Variants in CLCN6 observed in about 807,000 individuals in gnomAD.
CLCN6 encodes H(+)/Cl(-) exchange transporter 6.
A neutral mutation model predicts 109.8 loss-of-function variants in CLCN6; 70 were observed. That is an observed-to-expected ratio of 0.64 (90% CI 0.53 to 0.78). The LOEUF (loss-of-function observed/expected upper bound fraction) is 0.78. Ranked by LOEUF, CLCN6 falls within the 30% of genes least tolerant of loss-of-function variation. The pLI is 0.00. For missense variants in CLCN6, 984 were observed against 1,142.3 expected, an observed-to-expected ratio of 0.86 and a Z score of 2.00; for synonymous variants, 444 against 447.8, an observed-to-expected ratio of 0.99 and a Z score of 0.11.
intron 6 of CLCN6, 152 bp downstream of exon 6, chr1:11,822,953 G>T: frequency 1.6e-6 from 1 of 608,332 alleles, no homozygotes; most frequent in East Asian, 2.8e-5. Context: ...TTCACCTCTG[G>T]TGAGATTAAA....
At chr1:11,810,031 A>G (rs948816001) in intron 2 of CLCN6, among the ~76,000 whole-genome samples, 1 of 152,256 alleles carries the variant, frequency 6.6e-6, no homozygotes, top group Non-Finnish European at 1.5e-5. Context: ...AAGCATGTGT[A>G]TAAAAACGTG....
chr1:11,814,247 C>CTTTTTTTTTT (rs1197587407), intron 2 of CLCN6, among the ~76,000 whole-genome samples: 22 of 131,228 alleles, frequency 1.7e-4, no homozygotes, highest in South Asian at 2.5e-4. Context: ...ACTGCTGCGT[C>CTTTTTTTTTT]TTTTTTTTTT....
rs767261122 is a variant in CLCN6 at position 11,823,857 on chromosome 1, C to T, written c.580+24C>T. On this transcript the variant is annotated intron_variant, in intron 7 of 22. Coordinates refer to ENST00000346436, the MANE Select transcript of CLCN6 (RefSeq NM_001286.5). The stretch of plus-strand genomic sequence containing the variant: ...AGGTAAGAAGGGTCCAACTTGTATC[C>T]TTCAAATACTCAAAGGGCAGAGACG... The T allele has an allele frequency of 7.4e-6, 12 of 1,612,398 alleles. No individual in the cohort carries two copies. In the Admixed American group the frequency reaches 2.0e-4, roughly 27 times the overall value.
In CLCN6 at chr1:11,828,091, T is replaced by C. The variant is rs1644835326; in HGVS notation, c.841-15T>C. 1 of 1,597,524 alleles carries C rather than the reference T, an allele frequency of 6.3e-7. No homozygotes were observed. Among genetic ancestry groups the C allele is most frequent in the Admixed American group, 1.7e-5 (1 of 59,970 alleles). On this transcript the variant is annotated splice_polypyrimidine_tract_variant and intron_variant, in intron 10 of 22. Transcript: ENST00000346436. ...CACTCCTGAACCTTCTTGTCTTTTG[T>C]CACCTCTCCCCTAGCTCTTTTGTTC...
At chr1:11,839,059 G>T in intron 22 of CLCN6, 1 of 596,836 alleles carries the variant, frequency 1.7e-6, no homozygotes, top group Non-Finnish European at 3.0e-6. Context: ...TATTGCTGCA[G>T]ACTTTCCTTT....
Position 11,812,456 on chromosome 1 carries a change from G to T in CLCN6, c.148-3390G>T, listed in dbSNP as rs117710457. Reference sequence around the variant, plus strand: ...GAAGCTTTTTTATGCAGTCATGATTGATTACATCACCAGCCCTTGGTGATC... The same window carrying T: ...GAAGCTTTTTTATGCAGTCATGATTTATTACATCACCAGCCCTTGGTGATC... On this transcript the variant is annotated intron_variant, in intron 2 of 22. Coordinates refer to ENST00000346436, the MANE Select transcript of CLCN6 (RefSeq NM_001286.5). 1.4e-3 allele frequency among the ~76,000 whole-genome samples: 216 copies of T among 152,236 alleles called. 8 individuals are homozygous for T. In the East Asian group the frequency reaches 0.031, roughly 22 times the overall value.
Position 11,828,220 on chromosome 1 carries a change from G to A in CLCN6, c.954+1G>A, listed in dbSNP as rs1187056832. ...ATTGCTGAACTTTGGCGAGTTTAAGGTATGTTTTGTCCTTTCCCCAAGGAT... is the reference window on the plus strand; with the variant it reads ...ATTGCTGAACTTTGGCGAGTTTAAGATATGTTTTGTCCTTTCCCCAAGGAT... On this transcript the variant is annotated splice_donor_variant, in intron 11 of 22. Coordinates refer to ENST00000346436, the MANE Select transcript of CLCN6 (RefSeq NM_001286.5). LOFTEE classifies it high-confidence loss of function. The A allele has an allele frequency of 6.2e-7, 1 of 1,610,840 alleles. No homozygotes were observed.
At position 11,837,117 on chromosome 1, in the gene CLCN6, C is replaced by A; in HGVS notation, c.2099C>A (p.Ala700Asp). ...CDEHIASEEP[A>D]EKEDLLQQML... ...GAGCACATCGCCTCTGAGGAGCCAG[C>A]CGAGAAGGAGGACCTCCTGCAGCAG... The change falls in exon 19 of 23, where the codon GCC (alanine) becomes GAC (aspartate). Residue 700 changes from alanine (A) to aspartate (D), a missense_variant. Coordinates refer to ENST00000346436, the MANE Select transcript of CLCN6 (RefSeq NM_001286.5). 3 of 1,613,172 alleles carry A rather than the reference C, an allele frequency of 1.9e-6. No individual in the cohort carries two copies. The South Asian group carries it at 3.3e-5, about 18-fold the overall frequency.
chr1:11,834,980 G>T lies in CLCN6; in HGVS notation c.1793+390G>T, dbSNP rs1001687550. Among the ~76,000 whole-genome samples the T allele has an allele frequency of 3.3e-5, 5 of 152,224 alleles. No individual in the cohort carries two copies. Among genetic ancestry groups the T allele is most frequent in the African/African-American group, 4.8e-5 (2 of 41,450 alleles). On this transcript the variant is annotated intron_variant, in intron 17 of 22. Transcript: ENST00000346436. This position sits in a 1 kb window ranked among gnomAD's most constrained non-coding sequence, Gnocchi z 4.5. ...GAATGCCCTACTGCCAGCCGGGATT[G>T]TTCTGGGCATAATCACCTCATAACC... is the stretch of plus-strand genomic sequence containing the variant.
Position 11,807,173 on chromosome 1 carries a change from C to A in CLCN6, c.130C>A (p.Pro44Thr). The A allele has an allele frequency of 6.2e-7, 1 of 1,614,124 alleles. No homozygotes were observed. The highest frequency in any genetic ancestry group is 8.5e-7 in the Non-Finnish European group (1 of 1,180,000). Reference sequence around the variant, plus strand: ...ACAGGAGGAGGAGGATGAGATTCTTCCAAGGAAAGACTATGAGGTGAGCTC... The same window carrying A: ...ACAGGAGGAGGAGGATGAGATTCTTACAAGGAAAGACTATGAGGTGAGCTC... ...ETQEEEDEIL[P>T]RKDYESLDYD... Residue 44 changes from proline to threonine, a missense_variant, in exon 2 of 23, where the codon CCA (proline) becomes ACA (threonine). Physicochemically the swap from Pro to Thr is conservative, Grantham distance 38. Coordinates refer to ENST00000346436, the MANE Select transcript of CLCN6 (RefSeq NM_001286.5).
intron 9 of CLCN6, 34 bp from the exon 10 acceptor site, chr1:11,827,055 T>C: frequency 6.2e-7 from 1 of 1,607,878 alleles, no homozygotes; most frequent in South Asian, 1.1e-5. Flanking sequence ...CTGGGGGCTC[T>C]TTATTGGATA....
Position 11,833,546 on chromosome 1 carries a change from C to T in CLCN6, c.1280C>T (p.Thr427Ile), listed in dbSNP as rs1243055932. The change falls in exon 14 of 23, where the codon ACA (threonine) becomes ATA (isoleucine). Residue 427 changes from threonine to isoleucine, a missense_variant. Physicochemically the swap from Thr to Ile is moderately conservative, Grantham distance 89. Transcript: ENST00000346436. The stretch of plus-strand genomic sequence containing the variant: ...GAAGATGTGAATTCAAGTATCAAGA[C>T]ATTTTTTTGTCCCAATGATACCTAC... ...VTEDVNSSIKTFFCPNDTYND... is the reference protein window; with the variant it reads ...VTEDVNSSIKIFFCPNDTYND... 2.6e-5 allele frequency: 42 copies of T among 1,613,922 alleles called. No individual in the cohort carries two copies. Among genetic ancestry groups the T allele is most frequent in the Non-Finnish European group, 3.4e-5 (40 of 1,179,880 alleles).
chr1:11,806,867 A>G, intron 1 of CLCN6: 1 of 437,350 alleles, frequency 2.3e-6, no homozygotes, highest in Non-Finnish European at 4.1e-6. Context: ...CCCCCTTTTC[A>G]GCTGGCGTTG....
Position 11,836,123 on chromosome 1 carries a change from C to G in CLCN6, c.1950C>G (p.Asn650Lys). ...ACGAGAAGGAGTTCATGAAGGGCAA[C>G]CAGCTCATCAGCAACAACATCAAGT... ...RGNEKEFMKGNQLISNNIKFK... is the reference protein window; with the variant it reads ...RGNEKEFMKGKQLISNNIKFK... Residue 650 changes from asparagine to lysine, a missense_variant, in exon 18 of 23, where the codon AAC becomes AAG. Physicochemically the swap from Asn to Lys is moderately conservative, Grantham distance 94. Coordinates refer to ENST00000346436, the MANE Select transcript of CLCN6 (RefSeq NM_001286.5). The G allele has an allele frequency of 6.2e-7, 1 of 1,613,330 alleles. No individual in the cohort carries two copies. The highest frequency in any genetic ancestry group is 1.1e-5 in the South Asian group (1 of 91,002).
Position 11,828,127 on chromosome 1 carries a change from A to G in CLCN6, c.862A>G (p.Thr288Ala), listed in dbSNP as rs1171560047. Residue 288 changes from threonine to alanine, a missense_variant, in exon 11 of 23, where the codon ACC becomes GCC. Coordinates refer to ENST00000346436, the MANE Select transcript of CLCN6 (RefSeq NM_001286.5). ...WKVLFCSMSA[T>A]FTLNFFRSGI... is the part of the protein sequence containing the mutation. ...CTAGCTCTTTTGTTCCATGTCTGCC[A>G]CCTTCACCCTCAACTTCTTCCGTTC... 6.2e-7 allele frequency: 1 copy of G among 1,613,996 alleles called. No homozygotes were observed. The highest frequency in any genetic ancestry group is 1.3e-5 in the African/African-American group (1 of 74,906).
intron 2 of CLCN6, among the ~76,000 whole-genome samples, chr1:11,814,677 G>T: frequency 6.6e-6 from 1 of 152,280 alleles, no homozygotes; most frequent in South Asian, 2.1e-4. Context: ...AAAGGATGCT[G>T]CTTCAGATGT....
At chr1:11,837,574 C>G in intron 20 of CLCN6, 75 bp downstream of exon 20, 1 of 1,462,772 alleles carries the variant, frequency 6.8e-7, no homozygotes. Context: ...GCCGGCGGGC[C>G]GTGAACAGTG....
chr1:11,814,703 C>T (rs1201736615), intron 2 of CLCN6, among the ~76,000 whole-genome samples: 6 of 152,130 alleles, frequency 3.9e-5, no homozygotes, highest in Middle Eastern at 3.4e-3. Flanking sequence ...TTTTAGGAGC[C>T]GAGAGCCAAG....
At chr1:11,817,178 G>A (rs1360352675) in intron 4 of CLCN6, among the ~76,000 whole-genome samples, 4 of 151,982 alleles carry the variant, frequency 2.6e-5, no homozygotes, top group South Asian at 2.1e-4. Context: ...CTGCAGCCTC[G>A]ACCTTCTGGG....
Sources: allele counts gnomAD v4.1 joint callset (sites outside exome capture counted in the v4.1 genomes callset), GRCh38; gene constraint gnomAD v4.1.1; non-coding constraint Gnocchi (gnomAD v3.1); transcripts MANE v1.5; gene names NCBI Gene and HGNC (gene_info 2026-07-23, HGNC 2026-07-21).